Variants in ZSWIM9 observed in about 807,000 individuals in gnomAD.
ZSWIM9 encodes the protein zinc finger SWIM-type containing 9, also known as uncharacterized protein ZSWIM9.
Under a neutral mutation model 25.0 loss-of-function variants are expected in ZSWIM9, and 11 were observed. The ratio of observed to expected loss-of-function variants is 0.44; its 90% CI spans 0.28 to 0.73. The LOEUF is 0.73. Ranked by LOEUF, ZSWIM9 falls within the 30% of genes least tolerant of loss-of-function variation. ZSWIM9 has a pLI of 0.16. For missense variants in ZSWIM9, 1,070 were observed against 1,296.5 expected (o/e 0.83, Z 2.68); for synonymous variants, 562 against 582.1 (o/e 0.97, Z 0.50).
chr19:48,188,478 C>T (rs900126129), intron 3 of ZSWIM9, among the ~76,000 whole-genome samples: 5 of 151,944 alleles, frequency 3.3e-5, no homozygotes, highest in African/African-American at 9.7e-5. Context: ...CTGCCTGCCT[C>T]GGCCTCCCAA....
At position 48,180,120 on chromosome 19, in the gene ZSWIM9, G is replaced by A. The variant is rs377165640; in HGVS notation, c.276-2335G>A. ...CAACGTCCGCCTCCTGGGTTCAAGC[G>A]ATTCTCCTGCCTCAGCCTCCCAAGT... On this transcript the variant is annotated intron_variant, in intron 2 of 3. Coordinates refer to ENST00000614654, the MANE Select transcript of ZSWIM9 (RefSeq NM_199341.4). 2.3e-4 allele frequency among the ~76,000 whole-genome samples: 35 copies of A among 152,008 alleles called. No individual in the cohort carries two copies. The East Asian group carries it at 3.7e-3, about 16-fold the overall frequency.
rs534032931 is a variant in ZSWIM9, at chr19:48,197,460, C to T, written c.*633C>T. On this transcript the variant is annotated 3_prime_UTR_variant, in exon 4 of 4. Coordinates refer to ENST00000614654, the MANE Select transcript of ZSWIM9 (RefSeq NM_199341.4). ...ACGGGTAGAGACGAAATGCAAGGGG[C>T]GTGGTTTTGGTTTTTCTCCAAGACC... The T allele has an allele frequency of 7.7e-4, 445 of 577,290 alleles. 4 individuals carry two copies. Among genetic ancestry groups the T allele is most frequent in the Middle Eastern group, 3.7e-3 (8 of 2,152 alleles). The allele number at this position is 577,290 out of a possible 1,614,324, so 35.8% of individuals were successfully genotyped here. A position where few individuals can be genotyped will look rare whatever the true frequency, so the allele number is the denominator to read the frequency against.
Position 48,172,083 on chromosome 19 carries a change from TG to T in ZSWIM9, c.275+7del. ...CCCAGCCGGCCCGCCGTGGGGTGCG[TG>T]AACCTGAGCCGCTGTCCTGCTGGGG... On this transcript the variant is annotated splice_region_variant and intron_variant, in intron 2 of 3. Coordinates refer to ENST00000614654, the MANE Select transcript of ZSWIM9 (RefSeq NM_199341.4). 6.7e-7 allele frequency: 1 copy of T among 1,501,826 alleles called. No individual in the cohort carries two copies. The highest frequency in any genetic ancestry group is 2.5e-5 in the East Asian group (1 of 40,032). The allele number at this position is 1,501,826 out of a possible 1,614,324, so 93.0% of individuals were successfully genotyped here.
Position 48,194,910 on chromosome 19 carries a change from G to A in ZSWIM9, c.846G>A (p.Ala282=). Residue 282 remains alanine (A), a synonymous_variant, in exon 4 of 4, where the codon GCG becomes GCA. Coordinates refer to ENST00000614654, the MANE Select transcript of ZSWIM9 (RefSeq NM_199341.4). This position sits in a 1 kb window ranked among gnomAD's most constrained non-coding sequence, Gnocchi z 6.0. ...CGCTCGCGTCGCTGCTGCAGAGCGC[G>A]CCAGACGTCAAGGGCCGCGTGCGCT... ...RFALASLLQS[A]PDVKGRVRCL... 2 of 1,314,390 alleles carry A rather than the reference G, an allele frequency of 1.5e-6. No homozygotes were observed. Among genetic ancestry groups the A allele is most frequent in the Non-Finnish European group, 1.9e-6 (2 of 1,034,458 alleles). 81.4% of individuals were successfully genotyped at this position (1,314,390 alleles called of 1,614,324 possible).
At chr19:48,188,482 C>T (rs146564050) in intron 3 of ZSWIM9, among the ~76,000 whole-genome samples, 10 of 152,118 alleles carry the variant, frequency 6.6e-5, no homozygotes, top group African/African-American at 2.4e-4. Context: ...CTGCCTCGGC[C>T]TCCCAAAGTG....
chr19:48,183,953 T>G (rs889457306), intron 3 of ZSWIM9, among the ~76,000 whole-genome samples: 1 of 68,316 alleles, frequency 1.5e-5, no homozygotes, highest in Non-Finnish European at 3.9e-5. Context: ...CCTACTTAAA[T>G]TTTTTTTTTT....
chr19:48,187,977 T>TAGACAGACAGACAGACAGACAGAC (rs1568580220), intron 3 of ZSWIM9, among the ~76,000 whole-genome samples: 3 of 148,626 alleles, frequency 2.0e-5, no homozygotes, highest in African/African-American at 7.7e-5. Flanking sequence ...GATAGATAGA[T>TAGACAGACAGACAGACAGACAGAC]AGATAGATAG....
chr19:48,182,491 C>T lies in ZSWIM9; in HGVS notation c.312C>T (p.Val104=). ...PQPGCPAFII[V]KLSPLRDRLV... ...CCGGCTGCCCCGCCTTCATCATCGTCAAGCTGAGCCCGCTGCGGGACCGCC... is the reference window on the plus strand; with the variant it reads ...CCGGCTGCCCCGCCTTCATCATCGTTAAGCTGAGCCCGCTGCGGGACCGCC... The change falls in exon 3 of 4, where the codon GTC becomes GTT. Residue 104 remains valine, a synonymous_variant. Transcript: ENST00000614654. This position sits in a 1 kb window ranked among gnomAD's most constrained non-coding sequence, Gnocchi z 4.6. The T allele has an allele frequency of 6.5e-7, 1 of 1,535,550 alleles. No homozygotes were observed. Among genetic ancestry groups the T allele is most frequent in the African/African-American group, 1.4e-5 (1 of 73,144 alleles).
chr19:48,188,897 G>A (rs974856701), intron 3 of ZSWIM9, among the ~76,000 whole-genome samples: 1 of 151,982 alleles, frequency 6.6e-6, no homozygotes, highest in African/African-American at 2.4e-5. Flanking sequence ...CAGGTGTGGT[G>A]GCAGGCGCCT....
At position 48,196,039 on chromosome 19, in the gene ZSWIM9, G is replaced by A. The variant is rs2037160374; in HGVS notation, c.1975G>A (p.Glu659Lys). The change falls in exon 4 of 4, where the codon GAG (glutamate) becomes AAG (lysine). Residue 659 changes from glutamate (E) to lysine (K), a missense_variant. Coordinates refer to ENST00000614654, the MANE Select transcript of ZSWIM9 (RefSeq NM_199341.4). Reference sequence around the variant, plus strand: ...AGAAGTAGAGAAGGGGAGGGGGCTGGAGGTCAGAAACTTGAGGGGGATCCC... The same window carrying A: ...AGAAGTAGAGAAGGGGAGGGGGCTGAAGGTCAGAAACTTGAGGGGGATCCC... ...QSEVEKGRGL[E>K]VRNLRGIPLE... The A allele has an allele frequency of 1.6e-6, 2 of 1,264,302 alleles. No individual in the cohort carries two copies. The highest frequency in any genetic ancestry group is 6.3e-5 in the East Asian group (2 of 31,916). 78.3% of individuals were successfully genotyped at this position (1,264,302 alleles called of 1,614,324 possible).
At position 48,171,880 on chromosome 19, in the gene ZSWIM9, G is replaced by A. The variant is rs1238491272; in HGVS notation, c.78G>A (p.Ser26=). ...EQELRERAFF[S]WAEFSRFFDA... is the part of the protein sequence containing the mutation. ...AGCTGCGGGAGCGGGCCTTCTTCTC[G>A]TGGGCCGAGTTCAGCCGCTTCTTCG... Residue 26 remains serine (S), a synonymous_variant, in exon 2 of 4, where the codon TCG becomes TCA. Coordinates refer to ENST00000614654, the MANE Select transcript of ZSWIM9 (RefSeq NM_199341.4). 2.6e-6 allele frequency: 4 copies of A among 1,535,566 alleles called. No individual in the cohort carries two copies. Among genetic ancestry groups the A allele is most frequent in the African/African-American group, 1.4e-5 (1 of 73,036 alleles).
chr19:48,171,368 G>C (rs767013996), intron 1 of ZSWIM9: 2 of 985,402 alleles, frequency 2.0e-6, no homozygotes, highest in Non-Finnish European at 2.4e-6. Context: ...AGTTCCAGAT[G>C]AATACGAGAG....
chr19:48,194,584 C>G lies in ZSWIM9; in HGVS notation c.589-69C>G. 1.5e-6 allele frequency: 2 copies of G among 1,336,612 alleles called. No homozygotes were observed. Among genetic ancestry groups the G allele is most frequent in the Non-Finnish European group, 9.6e-7 (1 of 1,041,048 alleles). The allele number at this position is 1,336,612 out of a possible 1,614,324, so 82.8% of individuals were successfully genotyped here. A position where few individuals can be genotyped will look rare whatever the true frequency, so the allele number is the denominator to read the frequency against. ...TTTCCGTAGAAGGGGAAACCGAGGT[C>G]GGGGAGCTGGGCGGGGAGACCCCAG... is the stretch of plus-strand genomic sequence containing the variant. On this transcript the variant is annotated intron_variant, in intron 3 of 3. Coordinates refer to ENST00000614654, the MANE Select transcript of ZSWIM9 (RefSeq NM_199341.4). This position sits in a 1 kb window ranked among gnomAD's most constrained non-coding sequence, Gnocchi z 6.0.
In ZSWIM9 at chr19:48,196,208, T is replaced by C. The variant is rs2037163274; in HGVS notation, c.2144T>C (p.Ile715Thr). ...AAAAGAAGAAGGGGCCTGGAGGATATAGTTCTGGTCCAGCTGGGAGACACG... is the reference window on the plus strand; with the variant it reads ...AAAAGAAGAAGGGGCCTGGAGGATACAGTTCTGGTCCAGCTGGGAGACACG... ...GVKRRRGLED[I>T]VLVQLGDTRV... The change falls in exon 4 of 4, where the codon ATA becomes ACA. Residue 715 changes from isoleucine to threonine, a missense_variant. Around this residue, in one of 4 missense-constraint regions of ZSWIM9, gnomAD observed 583 missense variants for 624.7 expected, o/e 0.93. Coordinates refer to ENST00000614654, the MANE Select transcript of ZSWIM9 (RefSeq NM_199341.4). 4 of 1,233,568 alleles carry C rather than the reference T, an allele frequency of 3.2e-6. No individual in the cohort carries two copies. The highest frequency in any genetic ancestry group is 3.2e-5 in the East Asian group (1 of 31,648). The allele number at this position is 1,233,568 out of a possible 1,614,324, so 76.4% of individuals were successfully genotyped here.
Position 48,194,698 on chromosome 19 carries a change from T to A in ZSWIM9, c.634T>A (p.Phe212Ile). 6.6e-7 allele frequency: 1 copy of A among 1,526,084 alleles called. No individual in the cohort carries two copies. Among genetic ancestry groups the A allele is most frequent in the Non-Finnish European group, 8.8e-7 (1 of 1,141,874 alleles). 94.5% of individuals were successfully genotyped at this position (1,526,084 alleles called of 1,614,324 possible). Residue 212 changes from phenylalanine (F) to isoleucine (I), a missense_variant, in exon 4 of 4, where the codon TTC becomes ATC. Phe to Ile is a conservative substitution (Grantham distance 21). This residue lies in a region of ZSWIM9 where 265 missense variants were observed against 339.0 expected (regional missense o/e 0.78). Transcript: ENST00000614654. This position sits in a 1 kb window ranked among gnomAD's most constrained non-coding sequence, Gnocchi z 6.0. ...GGACCAGGCTGTGGTGGAGACGGTGTTCTTCCTGACGTCGCGCACCAGGGC... is the reference window on the plus strand; with the variant it reads ...GGACCAGGCTGTGGTGGAGACGGTGATCTTCCTGACGTCGCGCACCAGGGC... ...VEDQAVVETV[F>I]FLTSRTRALL... is the part of the protein sequence containing the mutation.
At chr19:48,180,754 C>CTTTTTTTTT (rs71297705) in intron 2 of ZSWIM9, 6 of 134,538 alleles carry the variant, frequency 4.5e-5, no homozygotes, top group Non-Finnish European at 6.4e-5. Context: ...TTTCTTTTTT[C>CTTTTTTTTT]TTTTTTTTTT....
intron 3 of ZSWIM9, among the ~76,000 whole-genome samples, chr19:48,192,381 C>G (rs1343777390): frequency 7.2e-6 from 1 of 137,964 alleles, no homozygotes; most frequent in East Asian, 2.2e-4. Context: ...ACCCGGGAGG[C>G]AGAGGTTGCA....
Position 48,182,309 on chromosome 19 carries a change from G to A in ZSWIM9, c.276-146G>A, listed in dbSNP as rs62131004. Reference sequence around the variant, plus strand: ...AGAGACTTGAAGTGACTTGCCCCAGGTCACACAGCTGGCATATTCTTAGGG... The same window carrying A: ...AGAGACTTGAAGTGACTTGCCCCAGATCACACAGCTGGCATATTCTTAGGG... On this transcript the variant is annotated intron_variant, in intron 2 of 3. Coordinates refer to ENST00000614654, the MANE Select transcript of ZSWIM9 (RefSeq NM_199341.4). The surrounding 1 kb of genome is among the most constrained non-coding windows in gnomAD (Gnocchi z 4.6). 0.067 allele frequency: 46,628 copies of A among 692,480 alleles called. 2,010 individuals carry two copies. Among genetic ancestry groups the A allele is most frequent in the Non-Finnish European group, 0.09 (38,101 of 423,380 alleles). 42.9% of individuals were successfully genotyped at this position (692,480 alleles called of 1,614,324 possible). A position where few individuals can be genotyped will look rare whatever the true frequency, so the allele number is the denominator to read the frequency against.
In ZSWIM9 at chr19:48,187,958, A is replaced by C. The variant is rs1387215876; in HGVS notation, c.588+5191A>C. Among the ~76,000 whole-genome samples the C allele has an allele frequency of 6.2e-5, 9 of 145,104 alleles. No individual in the cohort carries two copies. The South Asian group carries it at 8.4e-4, about 14-fold the overall frequency. On this transcript the variant is annotated intron_variant, in intron 3 of 3. Transcript: ENST00000614654. ...CCTTTAAATAGATAGATAGATAGAT[A>C]GATAGATAGATAGATAGATAGATAG...
Sources: gnomAD v4.1 joint callset for allele counts (sites outside exome capture counted in the v4.1 genomes callset) on GRCh38, gnomAD v4.1.1 for gene constraint, gnomAD v4.1.1 regional missense constraint, Gnocchi (gnomAD v3.1) non-coding constraint, MANE v1.5 for transcripts, NCBI Gene and HGNC (gene_info 2026-07-23, HGNC 2026-07-21) for gene names.